Variants in PARD3 observed in about 807,000 individuals in gnomAD.
PARD3 encodes the protein par-3 family cell polarity regulator.
A neutral mutation model predicts 155.4 loss-of-function variants in PARD3; 75 were observed. The observed-to-expected ratio is 0.48, with a 90% CI of 0.40 to 0.58. The LOEUF (loss-of-function observed/expected upper bound fraction) is 0.58, where lower values mean the gene tolerates loss of function less well. Among genes scored for constraint, PARD3 ranks in the 20% least tolerant of loss-of-function variants. The pLI is 0.00. For synonymous variants in PARD3, 576 were observed against 610.5 expected (o/e 0.94, Z 0.83); for missense variants, 1,642 against 1,721.7 (o/e 0.95, Z 0.82).
chr10:34,624,592 G>C (rs1292861621), intron 2 of PARD3, among the ~76,000 whole-genome samples: 1 of 152,214 alleles, frequency 6.6e-6, no homozygotes, highest in African/African-American at 2.4e-5. Context: ...CAGGCACTGA[G>C]CCCAGAAGCC....
At chr10:34,577,546 T>C (rs1457624114) in intron 2 of PARD3, among the ~76,000 whole-genome samples, 1 of 152,216 alleles carries the variant, frequency 6.6e-6, no homozygotes, top group African/African-American at 2.4e-5. Context: ...GCAGAATGAA[T>C]CCGATTTGAA....
intron 22 of PARD3, among the ~76,000 whole-genome samples, chr10:34,204,523 C>T (rs1347089530): frequency 6.6e-6 from 1 of 152,188 alleles, no homozygotes; most frequent in Non-Finnish European, 1.5e-5. Context: ...TAACCCAAAA[C>T]TCAGGGCCCC....
intron 18 of PARD3, among the ~76,000 whole-genome samples, chr10:34,334,480 C>A (rs1331129358): frequency 6.6e-6 from 1 of 151,658 alleles, no homozygotes; most frequent in Admixed American, 6.6e-5. Flanking sequence ...CTATGATTCT[C>A]CCAAAAACCT....
In PARD3 at chr10:34,647,252, C is replaced by A. The variant is rs78307600; in HGVS notation, c.222+49066G>T. On this transcript the variant is annotated intron_variant, in intron 2 of 24. Transcript: ENST00000374788. ...AACAAGTCATAAGCTGGAGTCTAAG[C>A]CCATGAGGACAGGGGCTTTGTCTCC... Among the ~76,000 whole-genome samples the A allele has an allele frequency of 9.5e-4, 144 of 152,266 alleles. 5 individuals are homozygous for A. In the East Asian group the frequency reaches 0.025, roughly 27 times the overall value.
intron 22 of PARD3, among the ~76,000 whole-genome samples, chr10:34,251,802 T>G (rs1374800022): frequency 6.6e-6 from 1 of 152,178 alleles, no homozygotes; most frequent in Admixed American, 6.5e-5. Context: ...AAAAACAGGC[T>G]CTCTCTGCTC....
At chr10:34,464,057 C>G (rs555542766) in intron 4 of PARD3, among the ~76,000 whole-genome samples, 3 of 151,838 alleles carry the variant, frequency 2.0e-5, no homozygotes, top group African/African-American at 7.3e-5. Flanking sequence ...GACTATATTC[C>G]TATTTGCTCT....
chr10:34,735,422 T>G (rs919911684), intron 1 of PARD3, among the ~76,000 whole-genome samples: 7 of 152,232 alleles, frequency 4.6e-5, no homozygotes, highest in African/African-American at 1.7e-4. Context: ...GACTTCTCAC[T>G]AGCTGCAAAT....
chr10:34,476,847 T>C (rs1229070048), intron 3 of PARD3, among the ~76,000 whole-genome samples: 1 of 152,182 alleles, frequency 6.6e-6, no homozygotes, highest in Non-Finnish European at 1.5e-5. Flanking sequence ...GGTGCAGTAG[T>C]AGTCACAAAT....
intron 2 of PARD3, among the ~76,000 whole-genome samples, chr10:34,525,371 A>C (rs191886240): frequency 3.5e-4 from 54 of 152,376 alleles, no homozygotes; most frequent in Admixed American, 1.1e-3. Context: ...CTACTGGCTA[A>C]GCCAAGAATG....
intron 2 of PARD3, among the ~76,000 whole-genome samples, chr10:34,588,021 G>C (rs1474853729): frequency 1.3e-5 from 2 of 152,106 alleles, no homozygotes; most frequent in African/African-American, 4.8e-5. Flanking sequence ...ATGAAGCAGG[G>C]ACCCCTCTTA....
At chr10:34,329,211 T>C (rs1040930140) in intron 19 of PARD3, among the ~76,000 whole-genome samples, 1 of 152,202 alleles carries the variant, frequency 6.6e-6, no homozygotes, top group Admixed American at 6.5e-5. Flanking sequence ...AAATATACCT[T>C]ATATTCATAT....
intron 22 of PARD3, among the ~76,000 whole-genome samples, chr10:34,148,707 T>C (rs949527691): frequency 7.2e-5 from 11 of 152,164 alleles, no homozygotes; most frequent in African/African-American, 2.7e-4. Flanking sequence ...ATACTTAATA[T>C]TTGCAACATT....
At chr10:34,796,064 CTG>C (rs2134285128) in intron 1 of PARD3, among the ~76,000 whole-genome samples, 2 of 152,342 alleles carry the variant, frequency 1.3e-5, no homozygotes, top group Non-Finnish European at 2.9e-5. Context: ...GGGTTCCAAA[CTG>C]TGCCTCATCT....
chr10:34,762,268 G>GAGAGACAA (rs925529822), intron 1 of PARD3, among the ~76,000 whole-genome samples: 2 of 142,576 alleles, frequency 1.4e-5, no homozygotes, highest in African/African-American at 5.1e-5. Flanking sequence ...GGGAGAGAGA[G>GAGAGACAA]AGAGACAAAG....
intron 2 of PARD3, among the ~76,000 whole-genome samples, chr10:34,589,577 C>A (rs1329271095): frequency 6.9e-6 from 1 of 145,834 alleles, no homozygotes; most frequent in East Asian, 2.0e-4. Context: ...GTTGTTTAAG[C>A]CACCTAGTCT....
chr10:34,483,813 A>G (rs1434924792), intron 3 of PARD3, among the ~76,000 whole-genome samples: 1 of 152,230 alleles, frequency 6.6e-6, no homozygotes, highest in Non-Finnish European at 1.5e-5. Context: ...CCTAGGAGAA[A>G]TACAAGGTTA....
intron 5 of PARD3, among the ~76,000 whole-genome samples, chr10:34,437,018 A>C (rs957035406): frequency 8.5e-5 from 13 of 152,186 alleles, no homozygotes; most frequent in African/African-American, 2.9e-4. Flanking sequence ...TCCATGTATA[A>C]CGTTTGATTT....
chr10:34,280,562 A>G (rs1054456122), intron 21 of PARD3, among the ~76,000 whole-genome samples: 7 of 152,234 alleles, frequency 4.6e-5, no homozygotes, highest in Non-Finnish European at 8.8e-5. Flanking sequence ...ACGCACTTTC[A>G]TAAGTCCACA....
intron 15 of PARD3, chr10:34,344,823 G>A (rs1017951591): frequency 2.0e-6 from 2 of 985,292 alleles, no homozygotes; most frequent in African/African-American, 1.7e-5. Flanking sequence ...CTAATCAGGT[G>A]TGACTCATGA....
Sources: gnomAD v4.1 joint callset for allele counts (sites outside exome capture counted in the v4.1 genomes callset) on GRCh38, gnomAD v4.1.1 for gene constraint, MANE v1.5 for transcripts, NCBI Gene and HGNC (gene_info 2026-07-23, HGNC 2026-07-21) for gene names.